The following KCNB2 variants were observed in gnomAD, a reference collection of about 807,000 sequenced individuals.
KCNB2 encodes the protein delayed rectifier potassium channel protein.
A neutral mutation model predicts 61.5 loss-of-function variants in KCNB2; 15 were observed. The ratio of observed to expected loss-of-function variants is 0.24; its 90% CI spans 0.16 to 0.38. KCNB2 has a LOEUF of 0.38. KCNB2 is among the 10% of genes least tolerant of loss of function. The probability of loss-of-function intolerance (pLI) is 1.00; values close to 1 mark genes in which losing one functional copy is unlikely to be tolerated. For missense variants in KCNB2, 828 were observed against 1,125.2 expected (o/e 0.74, Z 3.78); for synonymous variants, 457 against 446.0 (o/e 1.02, Z -0.31).
intron 2 of KCNB2, among the ~76,000 whole-genome samples, chr8:72,599,791 T>C (rs1807262465): frequency 6.6e-6 from 1 of 152,094 alleles, no homozygotes; most frequent in Non-Finnish European, 1.5e-5. Flanking sequence ...GCAAAGGATA[T>C]GAACAGACAC....
At chr8:72,926,712 T>G (rs10111222) in intron 2 of KCNB2, among the ~76,000 whole-genome samples, 72,854 of 151,992 alleles carry the variant, frequency 0.48, 18,099 homozygotes, top group East Asian at 0.89. Context: ...TATCATAAAC[T>G]TGGGAAGTCC....
chr8:72,889,885 A>G (rs1030507657), intron 2 of KCNB2, among the ~76,000 whole-genome samples: 3 of 152,028 alleles, frequency 2.0e-5, no homozygotes, highest in African/African-American at 7.2e-5. Flanking sequence ...CCTCCCAAGT[A>G]GCTGGGATTA....
intron 2 of KCNB2, among the ~76,000 whole-genome samples, chr8:72,596,776 A>G (rs1807198270): frequency 6.6e-6 from 1 of 152,152 alleles, no homozygotes. Flanking sequence ...TGGGCTAAAA[A>G]ATCATCTTCC....
chr8:72,850,951 C>T (rs1417052855), intron 2 of KCNB2, among the ~76,000 whole-genome samples: 1 of 152,198 alleles, frequency 6.6e-6, no homozygotes. Context: ...TAGAGCTCCT[C>T]TTATCATCCT....
intron 1 of KCNB2, among the ~76,000 whole-genome samples, chr8:72,551,438 C>G (rs942537288): frequency 1.3e-5 from 2 of 152,152 alleles, no homozygotes; most frequent in Admixed American, 6.5e-5. Flanking sequence ...AGCATCGTCT[C>G]AGGCCCCACT....
At chr8:72,553,591 A>T (rs1040667222) in intron 1 of KCNB2, among the ~76,000 whole-genome samples, 3 of 152,068 alleles carry the variant, frequency 2.0e-5, no homozygotes, top group Admixed American at 2.0e-4. Context: ...TAAATTTGGA[A>T]TCCTACTTTT....
intron 2 of KCNB2, among the ~76,000 whole-genome samples, chr8:72,858,405 A>G (rs537204737): frequency 6.6e-6 from 1 of 152,292 alleles, no homozygotes; most frequent in African/African-American, 2.4e-5. Flanking sequence ...TAAAAAAAAG[A>G]TGTGTGGTTT....
At chr8:72,735,724 GT>G (rs1177096107) in intron 2 of KCNB2, among the ~76,000 whole-genome samples, 1 of 152,170 alleles carries the variant, frequency 6.6e-6, no homozygotes, top group East Asian at 1.9e-4. Context: ...GTAGGGCACA[GT>G]TTGTGTAGGA....
intron 1 of KCNB2, among the ~76,000 whole-genome samples, chr8:72,541,542 G>GA (rs1204283417): frequency 6.6e-6 from 1 of 152,020 alleles, no homozygotes; most frequent in Non-Finnish European, 1.5e-5. Context: ...GGCAGAACAA[G>GA]AAAAAATGCT....
Position 72,930,242 on chromosome 8 carries a change from T to C in KCNB2, c.580-5693T>C, listed in dbSNP as rs192238912. ...GGTTCCAGGTCTTTGCTGTTGTGAA[T>C]AGTGCCACAATAAACATACGTGTGC... On this transcript the variant is annotated intron_variant, in intron 2 of 2. Coordinates refer to ENST00000523207, the MANE Select transcript of KCNB2 (RefSeq NM_004770.3). Among the ~76,000 whole-genome samples, 522 of 151,886 alleles carry C rather than the reference T, an allele frequency of 3.4e-3. 2 individuals are homozygous for C. The highest frequency in any genetic ancestry group is 0.012 in the African/African-American group (496 of 41,450).
chr8:72,675,683 A>G lies in KCNB2; in HGVS notation c.579+107370A>G, dbSNP rs555812481. On this transcript the variant is annotated intron_variant, in intron 2 of 2. Coordinates refer to ENST00000523207, the MANE Select transcript of KCNB2 (RefSeq NM_004770.3). ...ATTCTTCTGCCTCAGCCTCCTGAGT[A>G]GCTGGGATTACAGGCACGAACCTCC... Among the ~76,000 whole-genome samples the G allele has an allele frequency of 3.3e-5, 5 of 152,098 alleles. 1 individual carries two copies. The highest frequency in any genetic ancestry group is 1.2e-4 in the African/African-American group (5 of 41,486).
intron 2 of KCNB2, among the ~76,000 whole-genome samples, chr8:72,756,871 ATT>A (rs1459428863): frequency 1.3e-5 from 2 of 152,148 alleles, no homozygotes; most frequent in Non-Finnish European, 2.9e-5. Context: ...ATACATTCAG[ATT>A]TTATTAAATC....
At chr8:72,544,943 C>T (rs1806237802) in intron 1 of KCNB2, among the ~76,000 whole-genome samples, 1 of 152,144 alleles carries the variant, frequency 6.6e-6, no homozygotes, top group Admixed American at 6.5e-5. Flanking sequence ...GAGATAGTCA[C>T]ATTGCTCTGT....
At chr8:72,919,639 T>C (rs1871851) in intron 2 of KCNB2, among the ~76,000 whole-genome samples, 73,387 of 152,018 alleles carry the variant, frequency 0.48, 18,779 homozygotes, top group Middle Eastern at 0.6. Flanking sequence ...TGTAGGTCTA[T>C]CACTGACAAA....
intron 2 of KCNB2, among the ~76,000 whole-genome samples, chr8:72,684,992 T>A (rs911344839): frequency 6.6e-6 from 1 of 152,152 alleles, no homozygotes; most frequent in African/African-American, 2.4e-5. Context: ...ATTTAAGAGG[T>A]TTCCATGGAG....
chr8:72,811,571 G>A (rs1809306608), intron 2 of KCNB2, among the ~76,000 whole-genome samples: 1 of 152,080 alleles, frequency 6.6e-6, no homozygotes, highest in African/African-American at 2.4e-5. Flanking sequence ...ATTAATTGAT[G>A]TCTTACTGAA....
At chr8:72,546,492 G>C (rs188757267) in intron 1 of KCNB2, among the ~76,000 whole-genome samples, 6 of 151,552 alleles carry the variant, frequency 4.0e-5, no homozygotes, top group African/African-American at 1.5e-4. Context: ...ACTCCAGCCT[G>C]GGTGGCAGAG....
chr8:72,912,489 C>CATATATATATATATATAT (rs5892374), intron 2 of KCNB2, among the ~76,000 whole-genome samples: 2 of 137,324 alleles, frequency 1.5e-5, no homozygotes, highest in Admixed American at 7.4e-5. Flanking sequence ...AGCTTTTATT[C>CATATATATATATATATAT]ATATATATAT....
chr8:72,893,501 A>T (rs1262915185), intron 2 of KCNB2, among the ~76,000 whole-genome samples: 1 of 152,216 alleles, frequency 6.6e-6, no homozygotes, highest in Admixed American at 6.5e-5. Flanking sequence ...AATACCTTCC[A>T]CAAAATAATA....
Sources: allele counts gnomAD v4.1 joint callset (sites outside exome capture counted in the v4.1 genomes callset), GRCh38; gene constraint gnomAD v4.1.1; transcripts MANE v1.5; gene names NCBI Gene and HGNC (gene_info 2026-07-23, HGNC 2026-07-21).